Variants in TSEN2 observed in about 807,000 individuals in gnomAD.
The protein encoded by TSEN2 is tRNA-splicing endonuclease subunit Sen2.
In TSEN2, 54 loss-of-function variants were observed where a neutral mutation model predicts 59.2. That is an observed-to-expected ratio of 0.91 (90% confidence interval 0.73 to 1.14). The LOEUF is 1.14. Ranked by LOEUF, TSEN2 falls within the 50% of genes most tolerant of loss-of-function variation. The probability of loss-of-function intolerance (pLI) is 0.00; values close to 1 mark genes in which losing one functional copy is unlikely to be tolerated. For synonymous variants in TSEN2, 195 were observed against 198.2 expected, an observed-to-expected ratio of 0.98 and a Z score of 0.14; for missense variants, 636 against 576.2, an observed-to-expected ratio of 1.10 and a Z score of -1.06.
At chr3:12,502,663 G>GAT (rs1443817321) in intron 4 of TSEN2, among the ~76,000 whole-genome samples, 2,335 of 148,284 alleles carry the variant, frequency 0.016, 37 homozygotes, top group South Asian at 0.056. Context: ...TTAAACTGGG[G>GAT]GTTAGTTTTT....
intron 8 of TSEN2, among the ~76,000 whole-genome samples, chr3:12,524,144 GCTGGGCTCAAACTC>G (rs1332531853): frequency 2.6e-5 from 4 of 151,954 alleles, no homozygotes; most frequent in Admixed American, 6.6e-5. Context: ...TGTTGCCCAA[GCTGGGCTCAAACTC>G]CTGGGCTCAA....
chr3:12,498,622 CAT>C (rs1348671138), intron 4 of TSEN2, among the ~76,000 whole-genome samples: 1 of 152,170 alleles, frequency 6.6e-6, no homozygotes, highest in African/African-American at 2.4e-5. Context: ...GACAAAGTGA[CAT>C]AAACGACACA....
intron 3 of TSEN2, among the ~76,000 whole-genome samples, chr3:12,493,706 G>A (rs1420671636): frequency 1.3e-5 from 2 of 152,126 alleles, no homozygotes; most frequent in Admixed American, 6.5e-5. Flanking sequence ...CAGCCTGGGC[G>A]ACAGAGCAAG....
chr3:12,518,601 A>G (rs933790894), intron 7 of TSEN2, among the ~76,000 whole-genome samples: 3 of 152,236 alleles, frequency 2.0e-5, no homozygotes, highest in African/African-American at 7.2e-5. Flanking sequence ...TCTGGTAACC[A>G]CATTAAAAAC....
At chr3:12,505,761 G>T (rs995307855) in intron 6 of TSEN2, among the ~76,000 whole-genome samples, 8 of 142,766 alleles carry the variant, frequency 5.6e-5, no homozygotes, top group African/African-American at 1.9e-4. Context: ...TCCAGCCTGG[G>T]TGACAGAATG....
chr3:12,488,085 G>A (rs933416829), intron 1 of TSEN2, among the ~76,000 whole-genome samples: 1 of 152,120 alleles, frequency 6.6e-6, no homozygotes, highest in South Asian at 2.1e-4. Flanking sequence ...TCCTTGAGAA[G>A]TTGGATACTG....
chr3:12,505,340 A>G (rs1189824717), intron 6 of TSEN2, 109 bp downstream of exon 6: 2 of 768,136 alleles, frequency 2.6e-6, no homozygotes, highest in Non-Finnish European at 2.3e-6. Flanking sequence ...ATTATTGAAT[A>G]TTGTAATTCA....
chr3:12,527,584 A>T, intron 8 of TSEN2, among the ~76,000 whole-genome samples: 1 of 151,416 alleles, frequency 6.6e-6, no homozygotes, highest in South Asian at 2.1e-4. Flanking sequence ...AGCACAGAGG[A>T]CAGCTAACAG....
chr3:12,492,006 C>T (rs74685105), intron 2 of TSEN2, 130 bp from the exon 3 acceptor site: 17 of 735,754 alleles, frequency 2.3e-5, no homozygotes, highest in East Asian at 5.3e-5. Flanking sequence ...GACCATCTGC[C>T]GATTTTGGTA....
rs1423482137 is a variant in TSEN2, at chr3:12,503,264, A to C, written c.311A>C (p.Tyr104Ser). ...TNMPIITSKRYQHSVEWAAEL... is the reference protein window; with the variant it reads ...TNMPIITSKRSQHSVEWAAEL... ...CTAACAGTATTTCTGTCTTGCAGGTATCAGCATAGTGTTGAGTGGGCAGCA... is the reference window on the plus strand; with the variant it reads ...CTAACAGTATTTCTGTCTTGCAGGTCTCAGCATAGTGTTGAGTGGGCAGCA... The change falls in exon 5 of 12, where the codon TAT (tyrosine) becomes TCT (serine). Residue 104 changes from tyrosine (Y) to serine (S), a missense_variant and splice_region_variant. By Grantham distance (144) the Tyr-to-Ser change is moderately radical. Transcript: ENST00000284995. The C allele has an allele frequency of 6.2e-7, 1 of 1,614,154 alleles. No homozygotes were observed. The highest frequency in any genetic ancestry group is 1.7e-5 in the Admixed American group (1 of 60,024).
chr3:12,527,225 AG>A (rs2057154431), intron 8 of TSEN2, among the ~76,000 whole-genome samples: 2 of 152,382 alleles, frequency 1.3e-5, no homozygotes, highest in African/African-American at 4.8e-5. Flanking sequence ...AAATACAGAA[AG>A]GAAATGTGAC....
At position 12,492,189 on chromosome 3, in the gene TSEN2, A is replaced by C. The variant is rs2053284213; in HGVS notation, c.243A>C (p.Ser81=). ...GAAGCCGTCCAAGCTTCACAATTTCAGATCCTAAACTGGTTGCTAAATGGA... is the reference window on the plus strand; with the variant it reads ...GAAGCCGTCCAAGCTTCACAATTTCCGATCCTAAACTGGTTGCTAAATGGA... ...LSRSRPSFTI[S]DPKLVAKWKD... Residue 81 remains serine, a synonymous_variant, in exon 3 of 12, where the codon TCA becomes TCC. Coordinates refer to ENST00000284995, the MANE Select transcript of TSEN2 (RefSeq NM_025265.4). 6.2e-7 allele frequency: 1 copy of C among 1,614,010 alleles called. No individual in the cohort carries two copies. Among genetic ancestry groups the C allele is most frequent in the South Asian group, 1.1e-5 (1 of 91,082 alleles).
downstream of TSEN2, among the ~76,000 whole-genome samples, chr3:12,535,895 C>T (rs1299304113): frequency 2.0e-5 from 3 of 152,090 alleles, no homozygotes; most frequent in African/African-American, 4.8e-5. Flanking sequence ...ACAGGGGCGA[C>T]GTTGGAAACG....
chr3:12,491,426 A>G (rs2053199153), intron 2 of TSEN2, among the ~76,000 whole-genome samples: 1 of 152,242 alleles, frequency 6.6e-6, no homozygotes, highest in Non-Finnish European at 1.5e-5. Flanking sequence ...GAATGAGAGG[A>G]ATACTTCAAT....
chr3:12,511,153 C>T (rs1299612074), intron 6 of TSEN2: 1 of 152,330 alleles, frequency 6.6e-6, no homozygotes, highest in Non-Finnish European at 1.5e-5. Context: ...CCAGGCCCAA[C>T]ACTGCTTAGC....
At chr3:12,511,836 G>A (rs573962451) in intron 6 of TSEN2, among the ~76,000 whole-genome samples, 1 of 152,244 alleles carries the variant, frequency 6.6e-6, no homozygotes, top group Admixed American at 6.5e-5. Flanking sequence ...GAAAGTGCTA[G>A]GATTACAGGT....
intron 8 of TSEN2, among the ~76,000 whole-genome samples, chr3:12,520,364 T>G (rs939400182): frequency 7.9e-5 from 12 of 152,174 alleles, no homozygotes; most frequent in African/African-American, 2.4e-4. Context: ...CATAATAGTT[T>G]CCAGGGCCAG....
At chr3:12,490,829 G>T (rs78819736) in intron 2 of TSEN2, among the ~76,000 whole-genome samples, 6,453 of 152,252 alleles carry the variant, frequency 0.042, 245 homozygotes, top group African/African-American at 0.094. Flanking sequence ...CTAGACACTT[G>T]ATAGAAGAGT....
chr3:12,534,980 C>CA (rs986357487), downstream of TSEN2, among the ~76,000 whole-genome samples: 6 of 151,458 alleles, frequency 4.0e-5, no homozygotes, highest in South Asian at 2.1e-4. Flanking sequence ...AAAACAAAAA[C>CA]AAAAAAAACC....
Sources: allele counts gnomAD v4.1 joint callset (sites outside exome capture counted in the v4.1 genomes callset), GRCh38; gene constraint gnomAD v4.1.1; transcripts MANE v1.5; gene names NCBI Gene and HGNC (gene_info 2026-07-23, HGNC 2026-07-21).